The following KAZN variants were observed in gnomAD, a reference collection of about 807,000 sequenced individuals.
The protein encoded by KAZN is kazrin.
KAZN carries 40 observed loss-of-function variants against 87.4 expected under a neutral mutation model. That is an observed-to-expected ratio of 0.46 (90% CI 0.36 to 0.60). The LOEUF is 0.60. Among genes scored for constraint, KAZN ranks in the 20% least tolerant of loss-of-function variants. The pLI, the probability that KAZN is intolerant of heterozygous loss-of-function variation, is 0.00. For missense variants in KAZN, 898 were observed against 1,073.9 expected (o/e 0.84, Z 2.29); for synonymous variants, 466 against 458.3 (o/e 1.02, Z -0.22).
At chr1:14,294,963 G>A (rs985364287) in intron 2 of KAZN, among the ~76,000 whole-genome samples, 1 of 150,374 alleles carries the variant, frequency 6.7e-6, no homozygotes, top group African/African-American at 2.5e-5. Flanking sequence ...TGTGTTTGAT[G>A]TGATGGAATG....
At chr1:14,715,485 C>T (rs1374873192) in intron 1 of KAZN, among the ~76,000 whole-genome samples, 1 of 152,194 alleles carries the variant, frequency 6.6e-6, no homozygotes, top group East Asian at 1.9e-4. Flanking sequence ...TGTTGGAAGC[C>T]GGCAGCGCAC....
chr1:14,394,971 C>A (rs1296630776), intron 2 of KAZN, among the ~76,000 whole-genome samples: 1 of 152,154 alleles, frequency 6.6e-6, no homozygotes, highest in Non-Finnish European at 1.5e-5. Context: ...TGGCTAAGTC[C>A]TAGGCAGTGA....
chr1:14,955,932 G>A (rs1436106667), intron 1 of KAZN, among the ~76,000 whole-genome samples: 1 of 152,204 alleles, frequency 6.6e-6, no homozygotes, highest in Non-Finnish European at 1.5e-5. Context: ...TTAAACACAA[G>A]ATGCCCAGTT....
upstream of KAZN, among the ~76,000 whole-genome samples, chr1:14,593,822 G>A (rs989136770): frequency 5.9e-5 from 9 of 152,228 alleles, no homozygotes; most frequent in Non-Finnish European, 1.3e-4. Context: ...CAATTAAGTG[G>A]CAAGAGAGTG....
intron 2 of KAZN, among the ~76,000 whole-genome samples, chr1:14,317,252 A>C (rs1014597456): frequency 6.6e-6 from 1 of 151,522 alleles, no homozygotes; most frequent in Non-Finnish European, 1.5e-5. Context: ...TGATGAATTG[A>C]CCCCTATATC....
At chr1:14,018,370 G>A (rs374859211) in intron 1 of KAZN, among the ~76,000 whole-genome samples, 13 of 152,170 alleles carry the variant, frequency 8.5e-5, no homozygotes, top group African/African-American at 3.1e-4. Context: ...AGGGTACGGG[G>A]GAGAAGGAGG....
chr1:13,952,357 TAATAATA>T (rs1641381488), intron 1 of KAZN, among the ~76,000 whole-genome samples: 1 of 148,152 alleles, frequency 6.7e-6, no homozygotes, highest in Admixed American at 6.7e-5. Context: ...ATAATAATAA[TAATAATA>T]ATAATAATAA....
chr1:14,738,358 C>G (rs903293507), intron 1 of KAZN, among the ~76,000 whole-genome samples: 1 of 151,934 alleles, frequency 6.6e-6, no homozygotes. Flanking sequence ...CTTTGTGCAC[C>G]GTGGCGCAGA....
intron 7 of KAZN, among the ~76,000 whole-genome samples, chr1:15,064,657 C>T (rs1293867143): frequency 1.3e-5 from 2 of 152,208 alleles, no homozygotes; most frequent in African/African-American, 4.8e-5. Context: ...AGAAATGGAG[C>T]CCCCGGTGGC....
intron 1 of KAZN, among the ~76,000 whole-genome samples, chr1:14,069,370 A>C (rs757312721): frequency 1.3e-5 from 2 of 152,180 alleles, no homozygotes; most frequent in African/African-American, 4.8e-5. Context: ...CGCGATTATC[A>C]AGTCGGGGAG....
At chr1:14,050,687 C>T (rs1272026374) in intron 1 of KAZN, among the ~76,000 whole-genome samples, 1 of 152,122 alleles carries the variant, frequency 6.6e-6, no homozygotes, top group Non-Finnish European at 1.5e-5. Flanking sequence ...GAGCCAAAAC[C>T]TATCAGCCCC....
At chr1:14,373,415 C>T (rs1660663093) in intron 2 of KAZN, among the ~76,000 whole-genome samples, 1 of 152,070 alleles carries the variant, frequency 6.6e-6, no homozygotes, top group Non-Finnish European at 1.5e-5. Flanking sequence ...ACTGATGTCC[C>T]AACTCAAGTC....
At chr1:14,490,579 G>A (rs1571779073) in intron 2 of KAZN, among the ~76,000 whole-genome samples, 1 of 151,930 alleles carries the variant, frequency 6.6e-6, no homozygotes, top group Non-Finnish European at 1.5e-5. Flanking sequence ...TGCAACCTCC[G>A]CTTCCCAGGT....
intron 1 of KAZN, among the ~76,000 whole-genome samples, chr1:13,975,826 G>T (rs6429816): frequency 0.75 from 113,488 of 152,092 alleles, 42,662 homozygotes; most frequent in Admixed American, 0.8. Flanking sequence ...ATGAATGAAT[G>T]AATCAAAAGG....
intron 2 of KAZN, among the ~76,000 whole-genome samples, chr1:14,361,537 T>C (rs1033102684): frequency 1.3e-5 from 2 of 152,216 alleles, no homozygotes; most frequent in Non-Finnish European, 2.9e-5. Context: ...CCCAAATGGC[T>C]GCCCAGTTTT....
intron 2 of KAZN, among the ~76,000 whole-genome samples, chr1:14,277,662 GAAA>G (rs368768615): frequency 4.5e-5 from 5 of 112,338 alleles, no homozygotes; most frequent in Middle Eastern, 4.1e-3. Context: ...ACTCCCTCTT[GAAA>G]AAAAAAAAAA....
At chr1:14,657,064 G>T (rs1472793401) in intron 1 of KAZN, among the ~76,000 whole-genome samples, 4 of 147,856 alleles carry the variant, frequency 2.7e-5, no homozygotes, top group African/African-American at 7.5e-5. Flanking sequence ...CTAGGGTGGG[G>T]TGAAGAGAGA....
rs375396990 is a variant in KAZN at position 14,550,573 on chromosome 1, C to T, written c.250-48410C>T. On this transcript the variant is annotated intron_variant, in intron 2 of 16. Coordinates refer to the KAZN transcript ENST00000636203. ...CCAGGGTGCCAGAGCCAACAGTGGG[C>T]ACAATTTACTCTTCCTGCTCAAAGG... is the stretch of plus-strand genomic sequence containing the variant. 1.7e-4 allele frequency among the ~76,000 whole-genome samples: 26 copies of T among 152,176 alleles called. No homozygotes were observed. The East Asian group carries it at 4.6e-3, about 27-fold the overall frequency.
intron 1 of KAZN, among the ~76,000 whole-genome samples, chr1:14,003,120 G>A (rs749367034): frequency 3.3e-5 from 5 of 151,944 alleles, no homozygotes; most frequent in East Asian, 1.9e-4. Flanking sequence ...ACCAAACACC[G>A]CATGTTCTTA....
Sources: gnomAD v4.1 joint callset for allele counts (sites outside exome capture counted in the v4.1 genomes callset) on GRCh38, gnomAD v4.1.1 for gene constraint, MANE v1.5 for transcripts, NCBI Gene and HGNC (gene_info 2026-07-23, HGNC 2026-07-21) for gene names.